PALLD: variants seen among roughly 807,000 people sequenced by gnomAD.
PALLD encodes the protein palladin.
Under a neutral mutation model 123.5 loss-of-function variants are expected in PALLD, and 61 were observed. The observed-to-expected ratio is 0.49, with a 90% CI of 0.40 to 0.61. PALLD has a LOEUF of 0.61. PALLD is among the 20% of genes least tolerant of loss of function. The pLI is 0.00. For synonymous variants in PALLD, 465 were observed against 496.4 expected, an observed-to-expected ratio of 0.94 and a Z score of 0.84; for missense variants, 1,273 against 1,377.0, an observed-to-expected ratio of 0.92 and a Z score of 1.20.
chr4:168,836,047 A>G (rs1237014458), intron 10 of PALLD, among the ~76,000 whole-genome samples: 2 of 152,212 alleles, frequency 1.3e-5, no homozygotes, highest in East Asian at 3.8e-4. Flanking sequence ...CTGCTCAGTC[A>G]GTGTTAGCTG....
chr4:168,503,130 A>G (rs1445703833), intron 1 of PALLD, among the ~76,000 whole-genome samples: 1 of 152,192 alleles, frequency 6.6e-6, no homozygotes, highest in Non-Finnish European at 1.5e-5. Flanking sequence ...CATTTGCCAT[A>G]CAAAGACGCC....
chr4:168,900,373 A>G (rs1756239088), intron 14 of PALLD, among the ~76,000 whole-genome samples: 1 of 152,220 alleles, frequency 6.6e-6, no homozygotes, highest in Admixed American at 6.5e-5. Flanking sequence ...AACCTCTAAA[A>G]TAACTTTAAA....
At chr4:168,689,081 T>C (rs59697698) in intron 6 of PALLD, among the ~76,000 whole-genome samples, 3,093 of 152,306 alleles carry the variant, frequency 0.02, 98 homozygotes, top group South Asian at 0.14. Flanking sequence ...TCAGAAATAG[T>C]TGATCATCTA....
chr4:168,847,560 G>A (rs1747055096), intron 10 of PALLD, among the ~76,000 whole-genome samples: 1 of 152,238 alleles, frequency 6.6e-6, no homozygotes, highest in African/African-American at 2.4e-5. Flanking sequence ...ATAGCACCAA[G>A]ATTTTATTGG....
At chr4:168,788,156 C>G (rs1737010166) in intron 10 of PALLD, among the ~76,000 whole-genome samples, 1 of 152,158 alleles carries the variant, frequency 6.6e-6, no homozygotes, top group Non-Finnish European at 1.5e-5. Context: ...GATCTCATTC[C>G]TAATTTGCAT....
intron 10 of PALLD, among the ~76,000 whole-genome samples, chr4:168,718,413 C>G (rs778496903): frequency 2.3e-4 from 35 of 152,194 alleles, no homozygotes; most frequent in Non-Finnish European, 1.8e-4. Context: ...ATTTTAAAAT[C>G]TAGCACACTT....
At chr4:168,625,983 AATAG>A (rs776790246) in intron 2 of PALLD, among the ~76,000 whole-genome samples, 40 of 152,298 alleles carry the variant, frequency 2.6e-4, no homozygotes, top group Non-Finnish European at 4.9e-4. Flanking sequence ...CTGTTGGGCT[AATAG>A]ATAAAGAAAA....
In PALLD at chr4:168,785,846, G is replaced by GATATATATATATATATATATATATATAT. The variant is rs6148775; in HGVS notation, c.1964+73927_1964+73954dup. 2.8e-3 allele frequency among the ~76,000 whole-genome samples: 223 copies of GATATATATATATATATATATATATATAT among 80,808 alleles called. 6 individuals carry two copies. Among genetic ancestry groups the GATATATATATATATATATATATATATAT allele is most frequent in the Non-Finnish European group, 4.7e-3 (168 of 35,424 alleles). The allele number at this position is 80,808 out of a possible 152,430, so 53.0% of individuals were successfully genotyped here. On this transcript the variant is annotated intron_variant, in intron 10 of 21. Coordinates refer to ENST00000505667, the MANE Select transcript of PALLD (RefSeq NM_001166108.2). The stretch of plus-strand genomic sequence containing the variant: ...AGAGTCAGTTCTAATAAACTGTAGA[G>GATATATATATATATATATATATATATAT]ATATATATATATATATATATATATA...
At chr4:168,669,429 C>T (rs1779961466) in intron 3 of PALLD, among the ~76,000 whole-genome samples, 1 of 150,048 alleles carries the variant, frequency 6.7e-6, no homozygotes, top group African/African-American at 2.5e-5. Context: ...AACAAAAAAA[C>T]ACTTTTTTAA....
intron 2 of PALLD, chr4:168,598,688 G>A: frequency 2.8e-6 from 1 of 352,392 alleles, no homozygotes; most frequent in East Asian, 9.3e-5. Context: ...AACTCTCTAG[G>A]TTCCACCTTT....
At chr4:168,797,508 A>C (rs973546177) in intron 10 of PALLD, among the ~76,000 whole-genome samples, 9 of 152,140 alleles carry the variant, frequency 5.9e-5, no homozygotes, top group African/African-American at 2.2e-4. Context: ...TACCCAAGGA[A>C]ATTTGAGGCA....
intron 2 of PALLD, among the ~76,000 whole-genome samples, chr4:168,616,237 T>A (rs1358710358): frequency 6.6e-6 from 1 of 152,256 alleles, no homozygotes; most frequent in Admixed American, 6.5e-5. Flanking sequence ...GGAATTTGAA[T>A]GGCTGCATGC....
chr4:168,498,663 C>T (rs1419980273), intron 1 of PALLD, among the ~76,000 whole-genome samples: 2 of 152,132 alleles, frequency 1.3e-5, no homozygotes, highest in South Asian at 4.1e-4. Flanking sequence ...GGTGAAATTA[C>T]AGCAAAGAAA....
Position 168,578,672 on chromosome 4 carries a change from T to G in PALLD, c.908+66260T>G, listed in dbSNP as rs188190762. 2.3e-3 allele frequency among the ~76,000 whole-genome samples: 354 copies of G among 151,946 alleles called. 3 individuals are homozygous for G. The highest frequency in any genetic ancestry group is 0.01 in the Middle Eastern group (3 of 294). ...AAGACTGTGGAAAATGTTTTACATG[T>G]GAAGAAAAAAACACAGAGGAGTTAG... On this transcript the variant is annotated intron_variant, in intron 2 of 21. Coordinates refer to ENST00000505667, the MANE Select transcript of PALLD (RefSeq NM_001166108.2).
chr4:168,782,929 CA>C lies in PALLD; in HGVS notation c.1964+71015del, dbSNP rs897402118. 8.0e-5 allele frequency among the ~76,000 whole-genome samples: 12 copies of C among 150,516 alleles called. No homozygotes were observed. In the East Asian group the frequency reaches 1.8e-3, roughly 22 times the overall value. On this transcript the variant is annotated intron_variant, in intron 10 of 21. Transcript: ENST00000505667. ...GACTCTGCCTTAAAATAAAAAACAA[CA>C]AAAAAAAACTTTTTTTACAAAAGCA...
intron 10 of PALLD, among the ~76,000 whole-genome samples, chr4:168,875,305 C>A (rs973478229): frequency 3.3e-5 from 5 of 152,080 alleles, no homozygotes; most frequent in Non-Finnish European, 5.9e-5. Flanking sequence ...TGGTACCTTT[C>A]ATTCTTTCGG....
rs540452844 is a variant in PALLD at position 168,640,250 on chromosome 4, A to G, written c.909-27940A>G. Among the ~76,000 whole-genome samples the G allele has an allele frequency of 2.7e-4, 41 of 152,270 alleles. 1 individual carries two copies. Among genetic ancestry groups the G allele is most frequent in the African/African-American group, 9.9e-4 (41 of 41,552 alleles). Reference sequence around the variant, plus strand: ...TTGTTTCCTCCATGTAGCATCCAGAACTTTTCCGATTGAGCTTTTTTCCCT... The same window carrying G: ...TTGTTTCCTCCATGTAGCATCCAGAGCTTTTCCGATTGAGCTTTTTTCCCT... On this transcript the variant is annotated intron_variant, in intron 2 of 21. Coordinates refer to ENST00000505667, the MANE Select transcript of PALLD (RefSeq NM_001166108.2).
chr4:168,880,728 T>G (rs1010437465), intron 10 of PALLD, among the ~76,000 whole-genome samples: 66 of 152,356 alleles, frequency 4.3e-4, no homozygotes, highest in Non-Finnish European at 1.5e-4. Context: ...AAGATGTATA[T>G]ATTCAGTTTC....
At chr4:168,866,695 A>C (rs1750338759) in intron 10 of PALLD, among the ~76,000 whole-genome samples, 1 of 152,238 alleles carries the variant, frequency 6.6e-6, no homozygotes. Flanking sequence ...AAGCAAATTT[A>C]ATTTCTTAGT....
Sources: allele counts gnomAD v4.1 joint callset (sites outside exome capture counted in the v4.1 genomes callset), GRCh38; gene constraint gnomAD v4.1.1; transcripts MANE v1.5; gene names NCBI Gene and HGNC (gene_info 2026-07-23, HGNC 2026-07-21).